Variants in ALS2CL observed in about 807,000 individuals in gnomAD.
ALS2CL encodes the protein ALS2 C-terminal like, also known as ALS2 C-terminal-like protein.
Under a neutral mutation model 127.9 loss-of-function variants are expected in ALS2CL, and 112 were observed. The observed-to-expected ratio is 0.88, with a 90% CI of 0.75 to 1.02. The LOEUF (loss-of-function observed/expected upper bound fraction) is 1.02, where lower values mean the gene tolerates loss of function less well. Ranked by LOEUF, ALS2CL falls within the 50% of genes least tolerant of loss-of-function variation. The pLI, the probability that ALS2CL is intolerant of heterozygous loss-of-function variation, is 0.00. For missense variants in ALS2CL, 1,174 were observed against 1,236.7 expected, an observed-to-expected ratio of 0.95 and a Z score of 0.76; for synonymous variants, 519 against 527.6, an observed-to-expected ratio of 0.98 and a Z score of 0.22.
intron 1 of ALS2CL, chr3:46,693,415 C>G (rs140460349): frequency 2.6e-5 from 4 of 152,538 alleles, no homozygotes; most frequent in Non-Finnish European, 5.9e-5. Context: ...CAGGTCAGGC[C>G]CGGGGCGCTG....
At chr3:46,673,196 G>C in intron 22 of ALS2CL, 143 bp downstream of exon 22, 1 of 834,686 alleles carries the variant, frequency 1.2e-6, no homozygotes. Flanking sequence ...TGGGAGGTCA[G>C]AATGACAGTG....
Position 46,686,188 on chromosome 3 carries a change from T to TC in ALS2CL, c.666+119dup. On this transcript the variant is annotated intron_variant, in intron 6 of 25. Transcript: ENST00000318962. This position sits in a 1 kb window ranked among gnomAD's most constrained non-coding sequence, Gnocchi z 4.3. ...TACAGCCACCTGCTTCAGCCATCAC[T>TC]CCCCCTTCCATATAGGGAAACTGAG... 7.3e-7 allele frequency: 1 copy of TC among 1,369,446 alleles called. No individual in the cohort carries two copies. The highest frequency in any genetic ancestry group is 9.7e-7 in the Non-Finnish European group (1 of 1,030,850). The allele number at this position is 1,369,446 out of a possible 1,614,324, so 84.8% of individuals were successfully genotyped here. A position where few individuals can be genotyped will look rare whatever the true frequency, so the allele number is the denominator to read the frequency against.
rs1307397841 is a variant in ALS2CL, at chr3:46,684,000, A to G, written c.834T>C (p.Pro278=). The change falls in exon 8 of 26, where the codon CCT becomes CCC. Residue 278 remains proline (P), a synonymous_variant. Coordinates refer to ENST00000318962, the MANE Select transcript of ALS2CL (RefSeq NM_147129.5). The stretch of plus-strand genomic sequence containing the variant: ...AGGGGGTTGCTCACCCGTCCTGCCC[A>G]GGATCCACCCACACCAGCTTCAGAT... ...TFDLKLVWVD[P]GQDGCTFHLL... is the part of the protein sequence containing the mutation. 1 of 1,582,014 alleles carries G rather than the reference A, an allele frequency of 6.3e-7. No individual in the cohort carries two copies. Among genetic ancestry groups the G allele is most frequent in the Admixed American group, 1.8e-5 (1 of 54,578 alleles).
In ALS2CL at chr3:46,677,054, C is replaced by A. The variant is rs778746218; in HGVS notation, c.1758-32G>T. 10 of 1,569,980 alleles carry A rather than the reference C, an allele frequency of 6.4e-6. No homozygotes were observed. In the Admixed American group the frequency reaches 7.1e-5, roughly 11 times the overall value. Reference sequence around the variant, plus strand: ...TGGGGATGGAGGGTGGGTGATGGGGCAGAGAGAGATGGAGCTGAGGTAGGC... The same window carrying A: ...TGGGGATGGAGGGTGGGTGATGGGGAAGAGAGAGATGGAGCTGAGGTAGGC... On this transcript the variant is annotated intron_variant, in intron 16 of 25. Transcript: ENST00000318962.
chr3:46,692,148 G>A (rs375792067), intron 1 of ALS2CL, among the ~76,000 whole-genome samples: 56 of 152,276 alleles, frequency 3.7e-4, no homozygotes, highest in African/African-American at 1.3e-3. Context: ...GGGGAAGGCC[G>A]CAGTGGAAGC....
intron 4 of ALS2CL, 40 bp from the exon 5 acceptor site, chr3:46,687,188 C>T (rs1408807678): frequency 2.0e-6 from 3 of 1,482,012 alleles, no homozygotes; most frequent in Non-Finnish European, 2.7e-6. Context: ...TCACCCCTTC[C>T]TCCATTCCTG....
chr3:46,676,169 C>A, intron 19 of ALS2CL, 76 bp downstream of exon 19: 1 of 1,544,928 alleles, frequency 6.5e-7, no homozygotes, highest in Non-Finnish European at 8.7e-7. Flanking sequence ...CTCCCAAATG[C>A]AAGGCAGAAC....
chr3:46,683,313 C>T lies in ALS2CL; in HGVS notation c.926G>A (p.Trp309Ter). 6.3e-7 allele frequency: 1 copy of T among 1,587,828 alleles called. No individual in the cohort carries two copies. Among genetic ancestry groups the T allele is most frequent in the African/African-American group, 1.3e-5 (1 of 74,464 alleles). Residue 309 changes from tryptophan to a stop codon, truncating the protein, a stop_gained, in exon 10 of 26, where the codon TGG becomes TAG. Coordinates refer to ENST00000318962, the MANE Select transcript of ALS2CL (RefSeq NM_147129.5). LOFTEE classifies it high-confidence loss of function. ...KDSQGQAVWQ[W>*]KVTWAVHQAL... is the part of the protein sequence containing the mutation. Reference sequence around the variant, plus strand: ...CTGGTGAACAGCCCAGGTCACCTTCCACTGCCAGACTGCCTGGTGGGAGGG... The same window carrying T: ...CTGGTGAACAGCCCAGGTCACCTTCTACTGCCAGACTGCCTGGTGGGAGGG...
At position 46,670,549 on chromosome 3, in the gene ALS2CL, C is replaced by G. The variant is rs1288604045; in HGVS notation, c.*435G>C. The G allele has an allele frequency of 1.6e-5, 3 of 189,582 alleles. No individual in the cohort carries two copies. Among genetic ancestry groups the G allele is most frequent in the Non-Finnish European group, 2.2e-5 (2 of 89,418 alleles). 11.7% of individuals were successfully genotyped at this position (189,582 alleles called of 1,614,324 possible). ...TCGAGCCTGCCAGAGGTCAATACAG[C>G]CCAGCAGACTAAAGTCAGTTTTCCA... On this transcript the variant is annotated 3_prime_UTR_variant, in exon 26 of 26. Coordinates refer to ENST00000318962, the MANE Select transcript of ALS2CL (RefSeq NM_147129.5). The surrounding 1 kb of genome is among the most constrained non-coding windows in gnomAD (Gnocchi z 5.5).
chr3:46,669,711 C>T lies in ALS2CL; in HGVS notation c.*1273G>A, dbSNP rs1341119607. The T allele has an allele frequency of 6.6e-6, 1 of 152,264 alleles. No homozygotes were observed. The highest frequency in any genetic ancestry group is 1.5e-5 in the Non-Finnish European group (1 of 68,058). 9.4% of individuals were successfully genotyped at this position (152,264 alleles called of 1,614,324 possible). Reference sequence around the variant, plus strand: ...TTTAGTGGAACCAGCCAGAGAAATGCTGTCCCTCCTTCCTGGGGAAGTGGT... The same window carrying T: ...TTTAGTGGAACCAGCCAGAGAAATGTTGTCCCTCCTTCCTGGGGAAGTGGT... On this transcript the variant is annotated 3_prime_UTR_variant, in exon 26 of 26. Transcript: ENST00000318962.
chr3:46,686,905 T>C lies in ALS2CL; in HGVS notation c.534+78A>G, dbSNP rs2106740028. On this transcript the variant is annotated intron_variant, in intron 5 of 25. Transcript: ENST00000318962. The surrounding 1 kb of genome is among the most constrained non-coding windows in gnomAD (Gnocchi z 4.3). Reference sequence around the variant, plus strand: ...CTTCTTGTACTAGGGTTCCTGAGTATAGGCTGAGCCCCCTGAGTCTGGGCC... The same window carrying C: ...CTTCTTGTACTAGGGTTCCTGAGTACAGGCTGAGCCCCCTGAGTCTGGGCC... The C allele has an allele frequency of 7.0e-7, 1 of 1,418,522 alleles. No homozygotes were observed. Among genetic ancestry groups the C allele is most frequent in the East Asian group, 2.5e-5 (1 of 39,838 alleles). The allele number at this position is 1,418,522 out of a possible 1,614,324, so 87.9% of individuals were successfully genotyped here. A position where few individuals can be genotyped will look rare whatever the true frequency, so the allele number is the denominator to read the frequency against.
chr3:46,683,394 TG>T, intron 9 of ALS2CL, 68 bp from the exon 10 acceptor site: 1 of 1,481,282 alleles, frequency 6.8e-7, no homozygotes, highest in Non-Finnish European at 9.2e-7. Context: ...GGAAGCCTTC[TG>T]GGGTAGCTCC....
Position 46,670,978 on chromosome 3 carries a change from G to A in ALS2CL, c.*6C>T. 6.2e-7 allele frequency: 1 copy of A among 1,613,066 alleles called. No individual in the cohort carries two copies. The highest frequency in any genetic ancestry group is 1.7e-5 in the Admixed American group (1 of 60,026). On this transcript the variant is annotated 3_prime_UTR_variant, in exon 26 of 26. Coordinates refer to ENST00000318962, the MANE Select transcript of ALS2CL (RefSeq NM_147129.5). The surrounding 1 kb of genome is among the most constrained non-coding windows in gnomAD (Gnocchi z 5.5). ...CAGCTCTTCAGTCTGTCCAGGAAAG[G>A]CCAGGCTACCAGAGCTCCCTGGAGT...
rs758038693 is a variant in ALS2CL, at chr3:46,689,310, C to G, written c.103+28G>C. On this transcript the variant is annotated intron_variant, in intron 2 of 25. Coordinates refer to ENST00000318962, the MANE Select transcript of ALS2CL (RefSeq NM_147129.5). ...CCTGGGATCATTCCTCGGTGCCCTT[C>G]CCTCCCCACTAGAAAGCCTAGACTC... 19 of 1,608,190 alleles carry G rather than the reference C, an allele frequency of 1.2e-5. No homozygotes were observed. In the South Asian group the frequency reaches 1.2e-4, roughly 10 times the overall value.
intron 16 of ALS2CL, 83 bp from the exon 17 acceptor site, chr3:46,677,105 G>T: frequency 6.6e-7 from 1 of 1,509,788 alleles, no homozygotes; most frequent in Non-Finnish European, 8.8e-7. Context: ...CCCTTGGAGG[G>T]GTGGGGGTAT....
intron 1 of ALS2CL, among the ~76,000 whole-genome samples, chr3:46,691,071 C>T (rs960946597): frequency 2.6e-5 from 4 of 152,172 alleles, no homozygotes; most frequent in Non-Finnish European, 5.9e-5. Context: ...AGCTTCTTCT[C>T]CCTCTGTGGG....
At position 46,676,707 on chromosome 3, in the gene ALS2CL, C is replaced by T. The variant is rs1559463241; in HGVS notation, c.1963G>A (p.Glu655Lys). ...THPEDSVGSMEDILEELLQHR... is the reference protein window; with the variant it reads ...THPEDSVGSMKDILEELLQHR... ...TGCAGCAGCTCCTCCAGGATGTCTT[C>T]CATACTGCCCACACTGTCCTCAGGG... The change falls in exon 18 of 26, where the codon GAA becomes AAA. Residue 655 changes from glutamate (E) to lysine (K), a missense_variant. Glu to Lys is a moderately conservative substitution (Grantham distance 56, BLOSUM62 1). Coordinates refer to ENST00000318962, the MANE Select transcript of ALS2CL (RefSeq NM_147129.5). The T allele has an allele frequency of 8.1e-6, 13 of 1,613,606 alleles. No individual in the cohort carries two copies. The highest frequency in any genetic ancestry group is 1.1e-5 in the South Asian group (1 of 91,080).
chr3:46,682,177 C>A (rs903242263), intron 10 of ALS2CL, 83 bp from the exon 11 acceptor site: 2 of 1,430,418 alleles, frequency 1.4e-6, no homozygotes, highest in African/African-American at 2.8e-5. Context: ...GACGCCCTCC[C>A]TTCCTCTTCC....
chr3:46,682,347 T>C (rs1234440865), intron 10 of ALS2CL, among the ~76,000 whole-genome samples: 1 of 152,224 alleles, frequency 6.6e-6, no homozygotes, highest in South Asian at 2.1e-4. Context: ...TGGAGACATC[T>C]AGGTTCCCTT....
Sources: gnomAD v4.1 joint callset for allele counts (sites outside exome capture counted in the v4.1 genomes callset) on GRCh38, gnomAD v4.1.1 for gene constraint, Gnocchi (gnomAD v3.1) non-coding constraint, MANE v1.5 for transcripts, NCBI Gene and HGNC (gene_info 2026-07-23, HGNC 2026-07-21) for gene names.